Variants in ATG7 observed in about 807,000 individuals in gnomAD.
The protein encoded by ATG7 is autophagy related 7.
ATG7 carries 70 observed loss-of-function variants against 82.4 expected under a neutral mutation model. The ratio of observed to expected loss-of-function variants is 0.85; its 90% confidence interval spans 0.70 to 1.04. The LOEUF is 1.04. Ranked by LOEUF, ATG7 falls within the 50% of genes least tolerant of loss-of-function variation. ATG7 has a pLI of 0.00. For synonymous variants in ATG7, 287 were observed against 313.0 expected (o/e 0.92, Z 0.88); for missense variants, 792 against 864.3 (o/e 0.92, Z 1.05).
intron 20 of ATG7, among the ~76,000 whole-genome samples, chr3:11,491,657 A>G (rs960080843): frequency 5.9e-5 from 9 of 152,068 alleles, no homozygotes; most frequent in African/African-American, 2.2e-4. Context: ...TTTGGTGTGG[A>G]TGTCCTTTCT....
intron 19 of ATG7, among the ~76,000 whole-genome samples, chr3:11,395,767 C>T (rs1278128745): frequency 2.6e-5 from 4 of 151,802 alleles, no homozygotes; most frequent in East Asian, 3.9e-4. Context: ...GGTGAAACCC[C>T]GTCTCTACTA....
chr3:11,393,803 C>T (rs1225759049), intron 19 of ATG7, among the ~76,000 whole-genome samples: 1 of 152,082 alleles, frequency 6.6e-6, no homozygotes, highest in Admixed American at 6.6e-5. Context: ...GCCTCACCCT[C>T]GCAAGTAGCT....
At chr3:11,344,703 C>T (rs1954220759) in intron 13 of ATG7, among the ~76,000 whole-genome samples, 1 of 151,602 alleles carries the variant, frequency 6.6e-6, no homozygotes, top group Non-Finnish European at 1.5e-5. Context: ...TCCATCTCTA[C>T]AAAAAAAATA....
chr3:11,500,951 C>A (rs2091275549), intron 20 of ATG7, among the ~76,000 whole-genome samples: 1 of 152,122 alleles, frequency 6.6e-6, no homozygotes, highest in South Asian at 2.1e-4. Context: ...GTATAAATAA[C>A]AGAAATGAAT....
intron 1 of ATG7, among the ~76,000 whole-genome samples, chr3:11,278,312 C>G (rs1318833925): frequency 1.3e-5 from 2 of 152,164 alleles, no homozygotes; most frequent in African/African-American, 4.8e-5. Context: ...ATGAAATCTT[C>G]ACAATTTATG....
chr3:11,290,917 A>G (rs1469382501), intron 3 of ATG7, among the ~76,000 whole-genome samples: 1 of 152,110 alleles, frequency 6.6e-6, no homozygotes, highest in African/African-American at 2.4e-5. Context: ...CCTCCTTACC[A>G]AGTGATCCAC....
chr3:11,559,580 C>T, downstream of ATG7: 1 of 1,346,372 alleles, frequency 7.4e-7, no homozygotes, highest in South Asian at 1.7e-5. Flanking sequence ...TGCCACCTCC[C>T]ACTTCAATAC....
Position 11,298,693 on chromosome 3 carries a change from A to G in ATG7, c.-3A>G. 1 of 1,612,978 alleles carries G rather than the reference A, an allele frequency of 6.2e-7. No individual in the cohort carries two copies. ...TGTTTTGTTTTTTAATAGGCAAGAA[A>G]TAATGGCGGCAGCTACGGGGGATCC... On this transcript the variant is annotated 5_prime_UTR_variant, in exon 4 of 21. Coordinates refer to ENST00000693202, the MANE Select transcript of ATG7 (RefSeq NM_001349232.2).
intron 17 of ATG7, chr3:11,363,195 T>A: frequency 2.8e-6 from 1 of 361,506 alleles, no homozygotes. Context: ...GCTTACTTTG[T>A]GCTAGGCACT....
chr3:11,393,138 AG>A (rs2078953531), intron 19 of ATG7, among the ~76,000 whole-genome samples: 7 of 152,188 alleles, frequency 4.6e-5, no homozygotes, highest in African/African-American at 1.7e-4. Context: ...AGAAAGTGTT[AG>A]GCTGCCTGGT....
intron 9 of ATG7, among the ~76,000 whole-genome samples, chr3:11,317,119 C>T (rs748048114): frequency 2.6e-5 from 4 of 152,068 alleles, no homozygotes; most frequent in Admixed American, 1.3e-4. Flanking sequence ...AGATTACAGG[C>T]GTGAGCCACC....
At chr3:11,566,945 G>A in the ATG7 span, among the ~76,000 whole-genome samples, 2 of 152,318 alleles carry the variant, frequency 1.3e-5, no homozygotes, top group Admixed American at 6.5e-5. Flanking sequence ...GTATCGTGGA[G>A]TGGAACTGTG....
chr3:11,440,671 T>C, intron 20 of ATG7, among the ~76,000 whole-genome samples: 1 of 116,138 alleles, frequency 8.6e-6, no homozygotes, highest in Non-Finnish European at 1.7e-5. Flanking sequence ...TGGTCCCCAT[T>C]TGCTTTTTTT....
intron 20 of ATG7, among the ~76,000 whole-genome samples, chr3:11,534,782 C>G (rs1398314626): frequency 6.6e-6 from 1 of 152,206 alleles, no homozygotes; most frequent in Non-Finnish European, 1.5e-5. Flanking sequence ...CTGTCTGCCT[C>G]GAGGCACCTG....
rs539684365 is a variant in ATG7 at position 11,432,495 on chromosome 3, G to C, written c.2079+5569G>C. On this transcript the variant is annotated intron_variant, in intron 20 of 20. Transcript: ENST00000693202. ...GATATAATGGACTTTTGGGACTTGA[G>C]GGAGAAGCTTGGGAGGGGGGGTAAA... 1.2e-4 allele frequency among the ~76,000 whole-genome samples: 19 copies of C among 152,132 alleles called. No homozygotes were observed. The South Asian group carries it at 3.5e-3, about 28-fold the overall frequency.
chr3:11,462,839 ATTTTTATTTATT>A (rs1300660111), intron 20 of ATG7, among the ~76,000 whole-genome samples: 1 of 138,854 alleles, frequency 7.2e-6, no homozygotes, highest in Non-Finnish European at 1.5e-5. Context: ...CCTCTCAGAT[ATTTTTATTTATT>A]TATTTATTTA....
intron 20 of ATG7, among the ~76,000 whole-genome samples, chr3:11,532,058 C>CTCT (rs2092703998): frequency 6.6e-6 from 1 of 152,084 alleles, no homozygotes; most frequent in African/African-American, 2.4e-5. Flanking sequence ...CCTCCTCCTC[C>CTCT]TCTTCCTCCT....
At chr3:11,511,573 T>C (rs1283875174) in intron 20 of ATG7, among the ~76,000 whole-genome samples, 1 of 152,210 alleles carries the variant, frequency 6.6e-6, no homozygotes. Context: ...TGGAGCTGCC[T>C]GCCAGTCCCG....
chr3:11,490,529 T>G (rs2454483), intron 20 of ATG7, among the ~76,000 whole-genome samples: 78,057 of 150,440 alleles, frequency 0.52, 20,785 homozygotes, highest in East Asian at 0.65. Flanking sequence ...GTTAGCTGGT[T>G]ATTTTGCTCG....
Sources: gnomAD v4.1 joint callset for allele counts (sites outside exome capture counted in the v4.1 genomes callset) on GRCh38, gnomAD v4.1.1 for gene constraint, MANE v1.5 for transcripts, NCBI Gene and HGNC (gene_info 2026-07-23, HGNC 2026-07-21) for gene names.